The following CUL9 variants were observed in gnomAD, a reference collection of about 807,000 sequenced individuals.
The protein encoded by CUL9 is cullin-9.
CUL9 carries 79 observed loss-of-function variants against 272.6 expected under a neutral mutation model. The ratio of observed to expected loss-of-function variants is 0.29; its 90% CI spans 0.24 to 0.35. The LOEUF is 0.35. Ranked by LOEUF, CUL9 falls within the 10% of genes least tolerant of loss-of-function variation. The probability of loss-of-function intolerance (pLI) is 1.00; values close to 1 mark genes in which losing one functional copy is unlikely to be tolerated. For synonymous variants in CUL9, 1,186 were observed against 1,286.5 expected (o/e 0.92, Z 1.67); for missense variants, 2,532 against 3,255.6 (o/e 0.78, Z 5.41).
intron 31 of CUL9, among the ~76,000 whole-genome samples, chr6:43,216,864 G>C (rs1775984232): frequency 6.6e-6 from 1 of 152,164 alleles, no homozygotes; most frequent in Non-Finnish European, 1.5e-5. Context: ...CTCCTCACGG[G>C]ATTCCCATTA....
chr6:43,204,178 C>A, intron 20 of CUL9, 182 bp from the exon 21 acceptor site: 1 of 1,017,966 alleles, frequency 9.8e-7, no homozygotes, highest in Non-Finnish European at 1.4e-6. Flanking sequence ...TTCCCACTAC[C>A]CCATCCCCAC....
chr6:43,186,645 G>A (rs1052282139), intron 4 of CUL9, among the ~76,000 whole-genome samples, 190 bp downstream of exon 4: 2 of 152,134 alleles, frequency 1.3e-5, no homozygotes, highest in Non-Finnish European at 2.9e-5. Context: ...GGGTGTGGGT[G>A]GGCTGTAAGT....
Position 43,219,479 on chromosome 6 carries a change from C to G in CUL9, c.6283-980C>G, listed in dbSNP as rs116824525. On this transcript the variant is annotated intron_variant, in intron 31 of 40. Transcript: ENST00000252050. ...GGTCTGAATTCAGAGAAAATTTTCC[C>G]TGTTCTATCTCAAAAATGTAAGAAT... Among the ~76,000 whole-genome samples, 199 of 152,116 alleles carry G rather than the reference C, an allele frequency of 1.3e-3. 1 individual carries two copies. Among genetic ancestry groups the G allele is most frequent in the African/African-American group, 4.7e-3 (193 of 41,450 alleles).
rs1214471171 is a variant in CUL9 at position 43,204,487 on chromosome 6, G to A, written c.4287G>A (p.Leu1429=). The part of the protein sequence containing the change: ...ASRVRRLCHL[L]VHVEPPPGPS... The stretch of plus-strand genomic sequence containing the variant: ...GAGTTCGTCGCCTTTGCCACTTGCT[G>A]GTGCATGTGGAACCTCCTCCTGGGC... Residue 1429 remains leucine, a synonymous_variant, in exon 21 of 41, where the codon CTG becomes CTA. Transcript: ENST00000252050. 1 of 1,614,054 alleles carries A rather than the reference G, an allele frequency of 6.2e-7. No individual in the cohort carries two copies. Among genetic ancestry groups the A allele is most frequent in the African/African-American group, 1.3e-5 (1 of 74,916 alleles).
chr6:43,207,850 T>G (rs1416661989), intron 26 of CUL9, among the ~76,000 whole-genome samples: 2 of 152,218 alleles, frequency 1.3e-5, no homozygotes, highest in Non-Finnish European at 2.9e-5. Context: ...TTAACTGGAT[T>G]CTACATATTT....
Position 43,206,548 on chromosome 6 carries a change from A to T in CUL9, c.5212+38A>T. The T allele has an allele frequency of 6.3e-7, 1 of 1,599,848 alleles. No homozygotes were observed. The highest frequency in any genetic ancestry group is 1.1e-5 in the South Asian group (1 of 90,730). The stretch of plus-strand genomic sequence containing the variant: ...GGAGAGGAAATTGGAGATCGGGGTG[A>T]GATTCGGGGTGGCAAGAGAGGAAGA... On this transcript the variant is annotated intron_variant, in intron 26 of 40. Coordinates refer to ENST00000252050, the MANE Select transcript of CUL9 (RefSeq NM_015089.4). This position sits in a 1 kb window ranked among gnomAD's most constrained non-coding sequence, Gnocchi z 4.8.
At chr6:43,186,926 C>G in intron 4 of CUL9, 34 bp from the exon 5 acceptor site, 1 of 1,610,018 alleles carries the variant, frequency 6.2e-7, no homozygotes, top group Non-Finnish European at 8.5e-7. Flanking sequence ...TGAGCCTTCT[C>G]TATTCTGCTC....
At position 43,200,423 on chromosome 6, in the gene CUL9, G is replaced by A. The variant is rs1774418500; in HGVS notation, c.3385-13G>A. The A allele has an allele frequency of 3.7e-6, 6 of 1,614,092 alleles. No homozygotes were observed. The highest frequency in any genetic ancestry group is 4.5e-5 in the East Asian group (2 of 44,878). ...TCTCCTCTTCCTCATTCTCCCTGAT[G>A]TTCCGGCTGCAGATGGTGCTGGGCC... is the stretch of plus-strand genomic sequence containing the variant. On this transcript the variant is annotated splice_polypyrimidine_tract_variant and intron_variant, in intron 14 of 40. Coordinates refer to ENST00000252050, the MANE Select transcript of CUL9 (RefSeq NM_015089.4). The surrounding 1 kb of genome is among the most constrained non-coding windows in gnomAD (Gnocchi z 4.0).
intron 4 of CUL9, 50 bp from the exon 5 acceptor site, chr6:43,186,910 G>C: frequency 1.3e-6 from 2 of 1,599,026 alleles, no homozygotes; most frequent in Non-Finnish European, 1.7e-6. Context: ...CCAAGGCTCA[G>C]AGGGTTGAGC....
At position 43,222,961 on chromosome 6, in the gene CUL9, C is replaced by T; in HGVS notation, c.7150+65C>T. The T allele has an allele frequency of 3.6e-6, 5 of 1,392,596 alleles. 1 individual carries two copies. The Admixed American group carries it at 8.6e-5, about 24-fold the overall frequency. The allele number at this position is 1,392,596 out of a possible 1,614,324, so 86.3% of individuals were successfully genotyped here. Reference sequence around the variant, plus strand: ...TCCCCTCTGTTGCACAGCCCGGCCCCTCCCAGACAGGTCAAGCGGCACCCT... The same window carrying T: ...TCCCCTCTGTTGCACAGCCCGGCCCTTCCCAGACAGGTCAAGCGGCACCCT... On this transcript the variant is annotated intron_variant, in intron 38 of 40. Transcript: ENST00000252050.
intron 11 of CUL9, among the ~76,000 whole-genome samples, chr6:43,197,388 T>C (rs1372880985): frequency 6.6e-6 from 1 of 151,942 alleles, no homozygotes; most frequent in African/African-American, 2.4e-5. Context: ...TGTGGATTCA[T>C]ATCCATCTGG....
At position 43,203,876 on chromosome 6, in the gene CUL9, G is replaced by A. The variant is rs1774837424; in HGVS notation, c.4048G>A (p.Glu1350Lys). ...CPRLNRVLRH[E>K]QNFADRFLPD... ...CAGACTGAACAGGGTTTTGCGCCAC[G>A]AGCAGAATTTTGCTGACCGCTTCCT... The change falls in exon 20 of 41, where the codon GAG (glutamate) becomes AAG (lysine). Residue 1350 changes from glutamate to lysine, a missense_variant. Around this residue, in one of 3 missense-constraint regions of CUL9, gnomAD observed 2,218 missense variants for 2,788.6 expected, o/e 0.80. Transcript: ENST00000252050. The surrounding 1 kb of genome is among the most constrained non-coding windows in gnomAD (Gnocchi z 5.0). 2 of 1,612,770 alleles carry A rather than the reference G, an allele frequency of 1.2e-6. No homozygotes were observed. Among genetic ancestry groups the A allele is most frequent in the East Asian group, 2.2e-5 (1 of 44,842 alleles).
chr6:43,207,929 T>TCTA (rs1380840787), intron 26 of CUL9, among the ~76,000 whole-genome samples: 1 of 152,242 alleles, frequency 6.6e-6, no homozygotes, highest in Non-Finnish European at 1.5e-5. Flanking sequence ...GTCTACTTGA[T>TCTA]CTACTACTGA....
rs539020772 is a variant in CUL9 at position 43,221,437 on chromosome 6, C to T, written c.6752+116C>T. 41 of 1,251,770 alleles carry T rather than the reference C, an allele frequency of 3.3e-5. No homozygotes were observed. Among genetic ancestry groups the T allele is most frequent in the African/African-American group, 2.3e-4 (15 of 66,208 alleles). The allele number at this position is 1,251,770 out of a possible 1,614,324, so 77.5% of individuals were successfully genotyped here. A position where few individuals can be genotyped will look rare whatever the true frequency, so the allele number is the denominator to read the frequency against. ...CAGCAAAAGAGGGTGGTTCCTCAGC[C>T]GCCCCTCACGTGGCAGCCTCCACGG... On this transcript the variant is annotated intron_variant, in intron 34 of 40. Transcript: ENST00000252050. The surrounding 1 kb of genome is among the most constrained non-coding windows in gnomAD (Gnocchi z 4.2).
chr6:43,190,647 C>G (rs973555358), intron 8 of CUL9, among the ~76,000 whole-genome samples: 46 of 152,242 alleles, frequency 3.0e-4, no homozygotes, highest in African/African-American at 1.0e-3. Context: ...TGTATATTAT[C>G]TGGTATATAA....
intron 35 of CUL9, chr6:43,222,075 A>T (rs1776412939): frequency 1.7e-6 from 1 of 599,076 alleles, no homozygotes; most frequent in South Asian, 2.0e-5. Flanking sequence ...GGGACCCTGC[A>T]TTTAGAGCCT....
intron 23 of CUL9, 25 bp downstream of exon 23, chr6:43,205,140 G>A (rs1210824188): frequency 6.4e-7 from 1 of 1,573,452 alleles, no homozygotes; most frequent in South Asian, 1.2e-5. Context: ...CTCCCCACAG[G>A]GCTATAAGCT....
chr6:43,186,235 G>T lies in CUL9; in HGVS notation c.1031G>T (p.Gly344Val), dbSNP rs1408075020. The change falls in exon 4 of 41, where the codon GGC becomes GTC. Residue 344 changes from glycine to valine, a missense_variant. Physicochemically the swap from Gly to Val is moderately radical, Grantham distance 109. This residue lies in a region of CUL9 where 2,218 missense variants were observed against 2,788.6 expected (regional missense o/e 0.80). Transcript: ENST00000252050. ...TCCATCTTTCAGCCCTACATTTCAG[G>T]CCCCAGCCTTTTACTCCCCACCATT... ...TRSIFQPYIS[G>V]PSLLLPTIVT... The T allele has an allele frequency of 6.2e-7, 1 of 1,614,078 alleles. No homozygotes were observed. Among genetic ancestry groups the T allele is most frequent in the African/African-American group, 1.3e-5 (1 of 74,938 alleles).
chr6:43,189,431 G>A (rs1773235054), intron 8 of CUL9, among the ~76,000 whole-genome samples: 1 of 152,148 alleles, frequency 6.6e-6, no homozygotes, highest in African/African-American at 2.4e-5. Context: ...TGATCTGCCT[G>A]CCTCGGCCTC....
Sources: allele counts gnomAD v4.1 joint callset (sites outside exome capture counted in the v4.1 genomes callset), GRCh38; gene constraint gnomAD v4.1.1; regional missense constraint gnomAD v4.1.1; non-coding constraint Gnocchi (gnomAD v3.1); transcripts MANE v1.5; gene names NCBI Gene and HGNC (gene_info 2026-07-23, HGNC 2026-07-21).